HDAC9: variants seen among roughly 807,000 people sequenced by gnomAD.
HDAC9 encodes the protein MEF-2 interacting transcription repressor (MITR) protein.
A neutral mutation model predicts 139.4 loss-of-function variants in HDAC9; 41 were observed. That is an observed-to-expected ratio of 0.29 (90% CI 0.23 to 0.38). The LOEUF is 0.38. HDAC9 is among the 10% of genes least tolerant of loss of function. The pLI is 1.00. For synonymous variants in HDAC9, 517 were observed against 476.2 expected (o/e 1.09, Z -1.12); for missense variants, 1,147 against 1,297.0 (o/e 0.88, Z 1.78).
rs150690402 is a variant in HDAC9 at position 18,154,673 on chromosome 7, G to A, written c.-96-7556G>A. Among the ~76,000 whole-genome samples, 15 of 152,174 alleles carry A rather than the reference G, an allele frequency of 9.9e-5. No homozygotes were observed. The East Asian group carries it at 2.1e-3, about 22-fold the overall frequency. On this transcript the variant is annotated intron_variant, in intron 1 of 12. Coordinates refer to the HDAC9 transcript ENST00000417496. ...TACAAGAGCACTTTGCTCAACGTGG[G>A]GATTATCAGATCTTCAAGAGTTGAG... is the stretch of plus-strand genomic sequence containing the variant.
intron 2 of HDAC9, among the ~76,000 whole-genome samples, chr7:18,221,726 T>C (rs1033572535): frequency 8.5e-5 from 13 of 152,262 alleles, no homozygotes; most frequent in African/African-American, 3.1e-4. Flanking sequence ...ATTTTTTTTT[T>C]ATGCCTTAGA....
At chr7:18,175,808 G>C (rs1788853120) in intron 2 of HDAC9, among the ~76,000 whole-genome samples, 1 of 129,728 alleles carries the variant, frequency 7.7e-6, no homozygotes, top group Admixed American at 9.0e-5. Flanking sequence ...CCTGGCACTT[G>C]ATTATATAAG....
rs183381643 is a variant in HDAC9, at chr7:18,800,572, C to T, written c.2322+7120C>T. On this transcript the variant is annotated intron_variant, in intron 17 of 25. Transcript: ENST00000686413. The stretch of plus-strand genomic sequence containing the variant: ...CTTGGGCAAGGGATGGCGGTGCATG[C>T]CTGTAATCCCAGCACTTAAGGAGGC... Among the ~76,000 whole-genome samples the T allele has an allele frequency of 3.3e-3, 501 of 152,260 alleles. 3 individuals are homozygous for T. Among genetic ancestry groups the T allele is most frequent in the African/African-American group, 0.011 (472 of 41,552 alleles).
At chr7:18,272,916 A>G (rs302175) in intron 2 of HDAC9, among the ~76,000 whole-genome samples, 1,441 of 5,836 alleles carry the variant, frequency 0.25, 27 homozygotes, top group African/African-American at 0.4. Context: ...GACTACTGCT[A>G]CTACTACTAC....
At chr7:18,384,524 A>G (rs4721710) in intron 1 of HDAC9, among the ~76,000 whole-genome samples, 1,875 of 152,300 alleles carry the variant, frequency 0.012, 15 homozygotes, top group Middle Eastern at 0.031. Flanking sequence ...AATATCAAAT[A>G]TTCAATATTT....
At chr7:18,972,599 T>C (rs1344119992) in intron 24 of HDAC9, among the ~76,000 whole-genome samples, 1 of 152,080 alleles carries the variant, frequency 6.6e-6, no homozygotes, top group East Asian at 1.9e-4. Context: ...CAGGCTGGTC[T>C]CAAATTCCTG....
intron 1 of HDAC9, among the ~76,000 whole-genome samples, chr7:18,108,626 T>C (rs1472464672): frequency 3.4e-5 from 5 of 149,230 alleles, no homozygotes; most frequent in African/African-American, 1.2e-4. Context: ...TTTTTTTTTT[T>C]TTTTTTGGAT....
intron 3 of HDAC9, among the ~76,000 whole-genome samples, chr7:18,585,925 A>C (rs1314951133): frequency 6.6e-6 from 1 of 152,144 alleles, no homozygotes; most frequent in Non-Finnish European, 1.5e-5. Context: ...TAGTCACCTT[A>C]TATGAAGAGA....
At chr7:18,992,275 A>T (rs566923129) in intron 25 of HDAC9, among the ~76,000 whole-genome samples, 1 of 152,354 alleles carries the variant, frequency 6.6e-6, no homozygotes, top group African/African-American at 2.4e-5. Flanking sequence ...GAGAATGAAT[A>T]GTTAAAATGT....
At chr7:18,329,672 A>G (rs551067422) in intron 1 of HDAC9, among the ~76,000 whole-genome samples, 50 of 151,832 alleles carry the variant, frequency 3.3e-4, no homozygotes, top group Non-Finnish European at 6.3e-4. Flanking sequence ...AGGGGATCAG[A>G]TTGCTCAAGA....
chr7:18,413,822 G>T (rs1273017274), intron 1 of HDAC9, among the ~76,000 whole-genome samples: 1 of 152,136 alleles, frequency 6.6e-6, no homozygotes, highest in Non-Finnish European at 1.5e-5. Flanking sequence ...TAAAACTAAA[G>T]ATATTTAGCA....
intron 2 of HDAC9, among the ~76,000 whole-genome samples, chr7:18,269,027 C>G (rs1796176597): frequency 6.6e-6 from 1 of 152,112 alleles, no homozygotes; most frequent in Admixed American, 6.5e-5. Flanking sequence ...ATAAATATTG[C>G]ATTTATAGTT....
intron 12 of HDAC9, among the ~76,000 whole-genome samples, chr7:18,700,962 G>A (rs1295317258): frequency 6.6e-6 from 1 of 152,184 alleles, no homozygotes; most frequent in East Asian, 1.9e-4. Flanking sequence ...CTTGTGTGTA[G>A]AGAGGAATGC....
chr7:18,478,347 A>C (rs1371996262), intron 1 of HDAC9, among the ~76,000 whole-genome samples: 1 of 152,228 alleles, frequency 6.6e-6, no homozygotes, highest in Non-Finnish European at 1.5e-5. Flanking sequence ...CTGGGATTAC[A>C]GGCGTGAGCC....
chr7:18,789,483 G>T (rs933491795), intron 16 of HDAC9, among the ~76,000 whole-genome samples: 1 of 152,086 alleles, frequency 6.6e-6, no homozygotes, highest in Non-Finnish European at 1.5e-5. Flanking sequence ...CTCAACTTTA[G>T]CAAGACCTTA....
chr7:18,389,322 A>G (rs1395896306), intron 1 of HDAC9, among the ~76,000 whole-genome samples: 1 of 152,222 alleles, frequency 6.6e-6, no homozygotes, highest in Non-Finnish European at 1.5e-5. Flanking sequence ...TTTATTTCTC[A>G]TTCACGTAAG....
intron 25 of HDAC9, among the ~76,000 whole-genome samples, chr7:18,991,706 G>A (rs1414290254): frequency 1.3e-5 from 2 of 151,572 alleles, no homozygotes; most frequent in Non-Finnish European, 2.9e-5. Flanking sequence ...ACTTATGAAA[G>A]TCATTTGATT....
chr7:18,776,269 G>T (rs77990083), intron 16 of HDAC9, among the ~76,000 whole-genome samples: 1 of 151,938 alleles, frequency 6.6e-6, no homozygotes, highest in African/African-American at 2.4e-5. Context: ...GCTAGGAAGC[G>T]CAGTATCCAG....
intron 2 of HDAC9, among the ~76,000 whole-genome samples, chr7:18,541,161 T>TTC (rs1812770190): frequency 6.7e-6 from 1 of 149,344 alleles, no homozygotes; most frequent in Non-Finnish European, 1.5e-5. Context: ...TTTTTTTTTT[T>TTC]TTTTTCTGAT....
Sources: gnomAD v4.1 joint callset for allele counts (sites outside exome capture counted in the v4.1 genomes callset) on GRCh38, gnomAD v4.1.1 for gene constraint, MANE v1.5 for transcripts, NCBI Gene and HGNC (gene_info 2026-07-23, HGNC 2026-07-21) for gene names.